Variants in NCKAP5 observed in about 807,000 individuals in gnomAD.
NCKAP5 encodes NCK associated protein 5.
Under a neutral mutation model 167.0 loss-of-function variants are expected in NCKAP5, and 92 were observed. That is an observed-to-expected ratio of 0.55 (90% CI 0.47 to 0.66). The LOEUF (loss-of-function observed/expected upper bound fraction) is 0.66, where lower values mean the gene tolerates loss of function less well. NCKAP5 is among the 30% of genes least tolerant of loss of function. The pLI is 0.00. For missense variants in NCKAP5, 2,378 were observed against 2,315.0 expected, an observed-to-expected ratio of 1.03 and a Z score of -0.56; for synonymous variants, 891 against 877.4, an observed-to-expected ratio of 1.02 and a Z score of -0.27.
chr2:132,930,231 T>A (rs769911986), intron 8 of NCKAP5: 7 of 152,130 alleles, frequency 4.6e-5, no homozygotes, highest in Non-Finnish European at 1.0e-4. Context: ...TTCCTCCAAA[T>A]CTAGGGGGAA....
At chr2:133,299,552 G>A (rs1680214507) in intron 4 of NCKAP5, among the ~76,000 whole-genome samples, 2 of 152,134 alleles carry the variant, frequency 1.3e-5, no homozygotes, top group Non-Finnish European at 2.9e-5. Context: ...TTCGAGACCA[G>A]CCTGGCCAAC....
At chr2:133,392,114 C>T (rs1687451007) in intron 3 of NCKAP5, among the ~76,000 whole-genome samples, 2 of 152,208 alleles carry the variant, frequency 1.3e-5, no homozygotes, top group Non-Finnish European at 2.9e-5. Context: ...ATTACATCTA[C>T]AGTTATGGGC....
chr2:133,518,027 A>C (rs1488852641), intron 2 of NCKAP5, among the ~76,000 whole-genome samples: 3 of 152,224 alleles, frequency 2.0e-5, no homozygotes, highest in Non-Finnish European at 4.4e-5. Context: ...AGGGAAACTG[A>C]AACATGAACA....
At chr2:133,524,447 A>G (rs1179056449) in intron 2 of NCKAP5, among the ~76,000 whole-genome samples, 2 of 152,208 alleles carry the variant, frequency 1.3e-5, no homozygotes, top group Admixed American at 1.3e-4. Flanking sequence ...CATTAAGAAA[A>G]CATTGTTGAC....
Position 133,086,654 on chromosome 2 carries a change from TA to T in NCKAP5, c.341+43323del, listed in dbSNP as rs570140634. Reference sequence around the variant, plus strand: ...AAGACCTTATCTCTAAAATTATAAATAAAAAAAAATTTCTGATCCATTAACA... The same window carrying T: ...AAGACCTTATCTCTAAAATTATAAATAAAAAAAATTTCTGATCCATTAACA... On this transcript the variant is annotated intron_variant, in intron 6 of 19. Transcript: ENST00000409261. 8.8e-4 allele frequency among the ~76,000 whole-genome samples: 134 copies of T among 151,666 alleles called. 1 individual carries two copies. In the Middle Eastern group the frequency reaches 0.014, roughly 16 times the overall value.
rs375522148 is a variant in NCKAP5 at position 132,691,554 on chromosome 2, G to A, written c.5714-18249C>T. On this transcript the variant is annotated intron_variant, in intron 19 of 19. Coordinates refer to ENST00000409261, the MANE Select transcript of NCKAP5 (RefSeq NM_207363.3). Reference sequence around the variant, plus strand: ...CTCTTTCGATTAGTCACGTTTCAGTGTTTCACTTCATTCAAACCTGACAGA... The same window carrying A: ...CTCTTTCGATTAGTCACGTTTCAGTATTTCACTTCATTCAAACCTGACAGA... 1.4e-3 allele frequency among the ~76,000 whole-genome samples: 220 copies of A among 152,176 alleles called. 1 individual carries two copies. The highest frequency in any genetic ancestry group is 5.2e-3 in the African/African-American group (216 of 41,514).
chr2:133,436,632 T>C (rs966612588), intron 3 of NCKAP5, among the ~76,000 whole-genome samples: 2 of 152,160 alleles, frequency 1.3e-5, no homozygotes, highest in Non-Finnish European at 2.9e-5. Context: ...TGACCTCTTC[T>C]TTGCTCAGAT....
chr2:133,167,596 G>T (rs544746302), intron 5 of NCKAP5, among the ~76,000 whole-genome samples: 1 of 152,224 alleles, frequency 6.6e-6, no homozygotes, highest in African/African-American at 2.4e-5. Flanking sequence ...GTGAGGCAAC[G>T]AACCCTGGTC....
At chr2:133,236,162 G>A (rs1162125625) in intron 4 of NCKAP5, among the ~76,000 whole-genome samples, 1 of 150,068 alleles carries the variant, frequency 6.7e-6, no homozygotes, top group Admixed American at 6.6e-5. Flanking sequence ...GAGTCATAGT[G>A]CTGTTGGCTA....
intron 11 of NCKAP5, among the ~76,000 whole-genome samples, chr2:132,854,640 C>A (rs1558861422): frequency 6.6e-6 from 1 of 152,212 alleles, no homozygotes; most frequent in Admixed American, 6.5e-5. Context: ...TCCACTTGCC[C>A]CACGCCTGTC....
At chr2:132,809,023 A>G (rs1371641774) in intron 11 of NCKAP5, among the ~76,000 whole-genome samples, 1 of 151,932 alleles carries the variant, frequency 6.6e-6, no homozygotes, top group Non-Finnish European at 1.5e-5. Flanking sequence ...TTGGTTTTTG[A>G]CCCAGTGCTC....
the NCKAP5 span, among the ~76,000 whole-genome samples, chr2:133,627,408 A>T: frequency 6.6e-6 from 1 of 152,230 alleles, no homozygotes; most frequent in Non-Finnish European, 1.5e-5. Flanking sequence ...TTATATAGAC[A>T]CTAACAGAAT....
chr2:133,326,230 C>T (rs1574707424), intron 3 of NCKAP5, among the ~76,000 whole-genome samples: 1 of 152,018 alleles, frequency 6.6e-6, no homozygotes, highest in Non-Finnish European at 1.5e-5. Context: ...CCGAGGCAGG[C>T]GGATCACGAG....
intron 4 of NCKAP5, among the ~76,000 whole-genome samples, chr2:133,266,630 G>C (rs1398145760): frequency 6.6e-6 from 1 of 152,170 alleles, no homozygotes; most frequent in Non-Finnish European, 1.5e-5. Context: ...TGCAGAGCCG[G>C]GAGTTGCCAA....
intron 5 of NCKAP5, among the ~76,000 whole-genome samples, chr2:133,203,288 C>T (rs181876684): frequency 2.0e-4 from 31 of 151,998 alleles, no homozygotes; most frequent in South Asian, 1.0e-3. Context: ...ACCATCGCAA[C>T]GACAGAAAAC....
intron 4 of NCKAP5, among the ~76,000 whole-genome samples, chr2:133,276,614 C>G (rs2089740999): frequency 6.6e-6 from 1 of 151,290 alleles, no homozygotes; most frequent in African/African-American, 2.4e-5. Flanking sequence ...AAACAAACTC[C>G]CAAAGGCAGA....
At chr2:133,242,791 A>C (rs1469560405) in intron 4 of NCKAP5, among the ~76,000 whole-genome samples, 1 of 152,190 alleles carries the variant, frequency 6.6e-6, no homozygotes, top group East Asian at 1.9e-4. Flanking sequence ...AGCAAAAGTG[A>C]ATGTCTATTT....
At chr2:133,231,588 G>A (rs2087150680) in intron 4 of NCKAP5, among the ~76,000 whole-genome samples, 1 of 152,100 alleles carries the variant, frequency 6.6e-6, no homozygotes, top group Non-Finnish European at 1.5e-5. Flanking sequence ...CTTACTTGCT[G>A]TATAAATAAC....
intron 3 of NCKAP5, among the ~76,000 whole-genome samples, chr2:133,338,773 C>T (rs1015142271): frequency 6.6e-6 from 1 of 151,974 alleles, no homozygotes; most frequent in Admixed American, 6.6e-5. Flanking sequence ...TTTGGGAGGT[C>T]GAGGCAGGCA....
Sources: allele counts gnomAD v4.1 joint callset (sites outside exome capture counted in the v4.1 genomes callset), GRCh38; gene constraint gnomAD v4.1.1; transcripts MANE v1.5; gene names NCBI Gene and HGNC (gene_info 2026-07-23, HGNC 2026-07-21).